CEP112: variants seen among roughly 807,000 people sequenced by gnomAD.
CEP112 encodes the protein centrosomal protein of 112 kDa.
In CEP112, 127 loss-of-function variants were observed where a neutral mutation model predicts 153.0. The observed-to-expected ratio is 0.83, with a 90% CI of 0.72 to 0.96. CEP112 has a LOEUF of 0.96. CEP112 is among the 40% of genes least tolerant of loss of function. The pLI is 0.00. For missense variants in CEP112, 1,089 were observed against 1,101.2 expected, an observed-to-expected ratio of 0.99 and a Z score of 0.16; for synonymous variants, 358 against 374.4, an observed-to-expected ratio of 0.96 and a Z score of 0.51.
chr17:65,745,862 G>C (rs750827375), intron 22 of CEP112, among the ~76,000 whole-genome samples: 1 of 152,040 alleles, frequency 6.6e-6, no homozygotes, highest in Non-Finnish European at 1.5e-5. Context: ...TACTTCAAAC[G>C]GTCAAAGGCC....
intron 8 of CEP112, among the ~76,000 whole-genome samples, chr17:66,073,519 G>GT (rs1264378974): frequency 6.6e-6 from 1 of 152,234 alleles, no homozygotes; most frequent in Non-Finnish European, 1.5e-5. Flanking sequence ...AGTAGAAAAT[G>GT]TAACAGCTGC....
chr17:66,011,880 T>C (rs2145519385), intron 16 of CEP112, among the ~76,000 whole-genome samples: 1 of 152,308 alleles, frequency 6.6e-6, no homozygotes, highest in Non-Finnish European at 1.5e-5. Flanking sequence ...CTCTAAGAAT[T>C]TGCTTTATGA....
chr17:65,696,717 T>A (rs1398089015), intron 23 of CEP112, among the ~76,000 whole-genome samples: 94 of 152,284 alleles, frequency 6.2e-4, no homozygotes, highest in Non-Finnish European at 2.9e-5. Flanking sequence ...GGCAACTGCT[T>A]GAAGCGGGGT....
At chr17:66,189,502 C>CAAAA (rs36115506) in intron 1 of CEP112, among the ~76,000 whole-genome samples, 1 of 119,964 alleles carries the variant, frequency 8.3e-6, no homozygotes, top group Non-Finnish European at 1.7e-5. Flanking sequence ...AACTCTGTCT[C>CAAAA]AAAAAAAAAA....
chr17:65,688,950 TA>T, intron 24 of CEP112, 178 bp downstream of exon 24: 1 of 449,502 alleles, frequency 2.2e-6, no homozygotes, highest in South Asian at 2.9e-5. Context: ...GTATTTTTAG[TA>T]GAGACAGGGT....
intron 20 of CEP112, among the ~76,000 whole-genome samples, chr17:65,861,378 G>C (rs1244699357): frequency 6.6e-6 from 1 of 152,092 alleles, no homozygotes; most frequent in Admixed American, 6.5e-5. Context: ...TGACTTAAAG[G>C]GCACTAACTT....
At chr17:65,726,110 G>A (rs1179984122) in intron 23 of CEP112, among the ~76,000 whole-genome samples, 3 of 152,148 alleles carry the variant, frequency 2.0e-5, no homozygotes, top group Non-Finnish European at 4.4e-5. Context: ...GGAGGCTGAG[G>A]TGGGTGGATC....
At chr17:66,035,286 C>T (rs1336440555) in intron 12 of CEP112, among the ~76,000 whole-genome samples, 1 of 151,958 alleles carries the variant, frequency 6.6e-6, no homozygotes, top group African/African-American at 2.4e-5. Flanking sequence ...GGTTCCTGTT[C>T]ATTGCCCTAT....
chr17:65,779,904 T>C (rs930719093), intron 21 of CEP112, among the ~76,000 whole-genome samples: 19 of 152,104 alleles, frequency 1.2e-4, no homozygotes, highest in African/African-American at 3.1e-4. Flanking sequence ...CTACTGAGTT[T>C]TCCATTAAAC....
chr17:65,670,197 C>T (rs898455029), intron 24 of CEP112, among the ~76,000 whole-genome samples: 1 of 150,088 alleles, frequency 6.7e-6, no homozygotes, highest in Non-Finnish European at 1.5e-5. Flanking sequence ...TTAACTGATG[C>T]TTAAAAGAGG....
At chr17:66,174,149 C>T (rs1197509714) in intron 4 of CEP112, among the ~76,000 whole-genome samples, 4 of 152,004 alleles carry the variant, frequency 2.6e-5, no homozygotes, top group African/African-American at 7.2e-5. Flanking sequence ...AGGATGGTCT[C>T]GATCTCCTGA....
chr17:65,855,239 G>A (rs1256105714), intron 20 of CEP112, among the ~76,000 whole-genome samples: 1 of 152,152 alleles, frequency 6.6e-6, no homozygotes, highest in African/African-American at 2.4e-5. Context: ...CTCTTTTGTA[G>A]CCAGGTAAAA....
intron 17 of CEP112, among the ~76,000 whole-genome samples, chr17:65,966,249 C>T (rs892318214): frequency 6.6e-6 from 1 of 152,102 alleles, no homozygotes; most frequent in Non-Finnish European, 1.5e-5. Context: ...CAAGCCAGCT[C>T]AGATTAAAGG....
chr17:66,096,594 T>G lies in CEP112; in HGVS notation c.681A>C (p.Pro227=). Residue 227 remains proline (P), a synonymous_variant, in exon 7 of 27, where the codon CCA becomes CCC. Transcript: ENST00000535342. The part of the protein sequence containing the change: ...NPRYLRQKPI[P]VSLMTPKFSL... The stretch of plus-strand genomic sequence containing the variant: ...TGGATTTCTCACATACCAGAGAAAC[T>G]GGGATAGGCTTCTGTCTCAGGTATC... 6.3e-7 allele frequency: 1 copy of G among 1,593,694 alleles called. No individual in the cohort carries two copies. Among genetic ancestry groups the G allele is most frequent in the Non-Finnish European group, 8.6e-7 (1 of 1,165,126 alleles).
intron 11 of CEP112, among the ~76,000 whole-genome samples, chr17:66,061,104 G>A (rs1460591905): frequency 6.6e-6 from 1 of 151,864 alleles, no homozygotes; most frequent in Non-Finnish European, 1.5e-5. Flanking sequence ...ATAACCTAAT[G>A]ACTTATTTAG....
At chr17:65,730,732 A>AT (rs977589825) in intron 23 of CEP112, among the ~76,000 whole-genome samples, 1 of 151,078 alleles carries the variant, frequency 6.6e-6, no homozygotes, top group Admixed American at 6.6e-5. Context: ...GACAGTAAGA[A>AT]TTGCCCAATC....
chr17:65,860,612 C>T (rs1326576057), intron 20 of CEP112, among the ~76,000 whole-genome samples: 1 of 152,174 alleles, frequency 6.6e-6, no homozygotes, highest in East Asian at 1.9e-4. Flanking sequence ...CTGGACAGAG[C>T]TGGCATTACA....
chr17:65,709,017 C>CCCCGG (rs370751553), intron 23 of CEP112, among the ~76,000 whole-genome samples: 18 of 152,204 alleles, frequency 1.2e-4, no homozygotes, highest in African/African-American at 4.3e-4. Context: ...TATCCTATTT[C>CCCCGG]CCCGGCTTCA....
intron 6 of CEP112, among the ~76,000 whole-genome samples, chr17:66,125,335 T>C (rs2069792764): frequency 6.6e-6 from 1 of 152,156 alleles, no homozygotes; most frequent in Admixed American, 6.5e-5. Context: ...TCAGCTCAGT[T>C]TCTCTCCCAG....
Sources: gnomAD v4.1 joint callset for allele counts (sites outside exome capture counted in the v4.1 genomes callset) on GRCh38, gnomAD v4.1.1 for gene constraint, MANE v1.5 for transcripts, NCBI Gene and HGNC (gene_info 2026-07-23, HGNC 2026-07-21) for gene names.